The following CALB2 variants were observed in gnomAD, a reference collection of about 807,000 sequenced individuals.
CALB2 encodes the protein calretinin.
CALB2 carries 34 observed loss-of-function variants against 45.9 expected under a neutral mutation model. The ratio of observed to expected loss-of-function variants is 0.74; its 90% CI spans 0.56 to 0.99. The LOEUF (loss-of-function observed/expected upper bound fraction) is 0.99, where lower values mean the gene tolerates loss of function less well. Ranked by LOEUF, CALB2 falls within the 50% of genes least tolerant of loss-of-function variation. The pLI is 0.00. For missense variants in CALB2, 344 were observed against 339.3 expected (o/e 1.01, Z -0.11); for synonymous variants, 142 against 129.6 (o/e 1.10, Z -0.65).
At chr16:71,366,319 C>A (rs1235408690) in intron 1 of CALB2, among the ~76,000 whole-genome samples, 24 of 121,950 alleles carry the variant, frequency 2.0e-4, no homozygotes, top group Admixed American at 2.0e-4. Flanking sequence ...GCCACAGTGC[C>A]TGGCCTTTTT....
At chr16:71,366,020 C>CTTTTTTTTTTTTTTTTTTTTTTTTT (rs2042281945) in intron 1 of CALB2, among the ~76,000 whole-genome samples, 2 of 28,866 alleles carry the variant, frequency 6.9e-5, no homozygotes, top group African/African-American at 2.7e-4. Flanking sequence ...TTCCCTCTCT[C>CTTTTTTTTTTTTTTTTTTTTTTTTT]TCTCTTTTTT....
Position 71,390,031 on chromosome 16 carries a change from G to A in CALB2, c.*166G>A. The stretch of plus-strand genomic sequence containing the variant: ...GAGATAGAGGATGGGCAGCTGGGGG[G>A]CTGTCCTGAGCCCCCTGCACCCACC... On this transcript the variant is annotated 3_prime_UTR_variant, in exon 11 of 11. Transcript: ENST00000302628. 1.7e-6 allele frequency: 1 copy of A among 598,752 alleles called. No homozygotes were observed. The highest frequency in any genetic ancestry group is 2.8e-5 in the East Asian group (1 of 36,038). 37.1% of individuals were successfully genotyped at this position (598,752 alleles called of 1,614,324 possible). A position where few individuals can be genotyped will look rare whatever the true frequency, so the allele number is the denominator to read the frequency against.
intron 3 of CALB2, among the ~76,000 whole-genome samples, chr16:71,377,375 A>G (rs1359454344): frequency 1.3e-5 from 2 of 152,180 alleles, no homozygotes; most frequent in Non-Finnish European, 2.9e-5. Context: ...ACATACATGG[A>G]ATCATCTGTT....
chr16:71,388,868 C>G (rs1234259744), intron 10 of CALB2, among the ~76,000 whole-genome samples: 1 of 151,884 alleles, frequency 6.6e-6, no homozygotes, highest in African/African-American at 2.4e-5. Context: ...TGACAGGTGC[C>G]TGTAATCCCA....
At chr16:71,384,168 C>A in intron 7 of CALB2, 143 bp downstream of exon 7, 1 of 1,040,538 alleles carries the variant, frequency 9.6e-7, no homozygotes, top group Non-Finnish European at 1.5e-6. Flanking sequence ...TTGTGACCGT[C>A]AACACCTCAC....
rs1055305386 is a variant in CALB2, at chr16:71,389,930, C to T, written c.*65C>T. 4.3e-6 allele frequency: 5 copies of T among 1,152,896 alleles called. No homozygotes were observed. The African/African-American group carries it at 6.1e-5, about 14-fold the overall frequency. The allele number at this position is 1,152,896 out of a possible 1,614,324, so 71.4% of individuals were successfully genotyped here. The stretch of plus-strand genomic sequence containing the variant: ...TGCTTCTGCTGCCCTGATGCGTCTA[C>T]CCAGACTCAGAGACCGTGAGCGCCC... On this transcript the variant is annotated 3_prime_UTR_variant, in exon 11 of 11. Transcript: ENST00000302628.
Position 71,382,581 on chromosome 16 carries a change from A to G in CALB2, c.343-138A>G, listed in dbSNP as rs188671930. ...TCTGTGACCTTGAAGGGTCTGGGCT[A>G]CATCATCTCCATGTCTCCATCCCAT... is the stretch of plus-strand genomic sequence containing the variant. On this transcript the variant is annotated intron_variant, in intron 4 of 10. Coordinates refer to ENST00000302628, the MANE Select transcript of CALB2 (RefSeq NM_001740.5). The G allele has an allele frequency of 5.7e-5, 45 of 784,918 alleles. No individual in the cohort carries two copies. In the African/African-American group the frequency reaches 7.2e-4, roughly 13 times the overall value. The allele number at this position is 784,918 out of a possible 1,614,324, so 48.6% of individuals were successfully genotyped here.
Position 71,365,357 on chromosome 16 carries a change from C to T in CALB2, c.94+6471C>T, listed in dbSNP as rs376270671. On this transcript the variant is annotated intron_variant, in intron 1 of 10. Transcript: ENST00000302628. The stretch of plus-strand genomic sequence containing the variant: ...GCTACACAGACTGGTGCACTAGAAG[C>T]GACTGGACGCAACATCTTGAGTGTG... Among the ~76,000 whole-genome samples, 14 of 152,258 alleles carry T rather than the reference C, an allele frequency of 9.2e-5. No individual in the cohort carries two copies. In the South Asian group the frequency reaches 2.1e-3, roughly 23 times the overall value.
intron 4 of CALB2, among the ~76,000 whole-genome samples, chr16:71,382,036 AGGAGG>A (rs2042499216): frequency 9.4e-6 from 1 of 106,300 alleles, no homozygotes; most frequent in African/African-American, 3.7e-5. Flanking sequence ...GAGGAGGAGG[AGGAGG>A]AGTAGGAGGA....
In CALB2 at chr16:71,374,846, C is replaced by G. The variant is rs1228673598; in HGVS notation, c.261+12C>G. On this transcript the variant is annotated intron_variant, in intron 3 of 10. Coordinates refer to ENST00000302628, the MANE Select transcript of CALB2 (RefSeq NM_001740.5). Reference sequence around the variant, plus strand: ...TCGAGATGGCAGAGGTGAGCCCTGCCTCGCTGGTAAAGAGCTGTGTGGGAG... The same window carrying G: ...TCGAGATGGCAGAGGTGAGCCCTGCGTCGCTGGTAAAGAGCTGTGTGGGAG... The G allele has an allele frequency of 1.3e-6, 2 of 1,589,500 alleles. No homozygotes were observed. Among genetic ancestry groups the G allele is most frequent in the African/African-American group, 2.7e-5 (2 of 74,434 alleles).
intron 3 of CALB2, among the ~76,000 whole-genome samples, chr16:71,376,566 C>T (rs1385303989): frequency 1.3e-5 from 2 of 152,170 alleles, no homozygotes; most frequent in Non-Finnish European, 2.9e-5. Context: ...CACCCACATA[C>T]ATCTACATGC....
At position 71,377,687 on chromosome 16, in the gene CALB2, C is replaced by G. The variant is rs745602535; in HGVS notation, c.282C>G (p.Thr94=). Reference sequence around the variant, plus strand: ...CACAGCTGGCGCAGATCCTGCCAACCGAAGAGAACTTCCTTCTGTGCTTCA... The same window carrying G: ...CACAGCTGGCGCAGATCCTGCCAACGGAAGAGAACTTCCTTCTGTGCTTCA... The part of the protein sequence containing the change: ...EMAELAQILP[T]EENFLLCFRQ... The change falls in exon 4 of 11, where the codon ACC becomes ACG. Residue 94 remains threonine, a synonymous_variant. Transcript: ENST00000302628. 1 of 1,613,924 alleles carries G rather than the reference C, an allele frequency of 6.2e-7. No homozygotes were observed.
intron 4 of CALB2, 131 bp from the exon 5 acceptor site, chr16:71,382,588 C>T: frequency 1.2e-6 from 1 of 823,322 alleles, no homozygotes; most frequent in Non-Finnish European, 2.0e-6. Context: ...GCTACATCAT[C>T]TCCATGTCTC....
intron 2 of CALB2, 64 bp downstream of exon 2, chr16:71,372,293 G>A (rs1463424824): frequency 8.4e-7 from 1 of 1,190,782 alleles, no homozygotes; most frequent in East Asian, 2.4e-5. Context: ...AGCATGCTGT[G>A]TCCCAGTTAT....
chr16:71,382,596 CTCCA>C, intron 4 of CALB2, 119 bp from the exon 5 acceptor site: 1 of 885,006 alleles, frequency 1.1e-6, no homozygotes, highest in South Asian at 1.6e-5. Context: ...ATCTCCATGT[CTCCA>C]TCCCATTCCG....
intron 1 of CALB2, among the ~76,000 whole-genome samples, chr16:71,366,013 C>CCT (rs200567880): frequency 0.026 from 1,550 of 59,274 alleles, 91 homozygotes; most frequent in African/African-American, 0.037. Flanking sequence ...TGTTTTCTTC[C>CCT]CTCTCTCTCT....
chr16:71,380,283 CTTCCT>C (rs1567541471), intron 4 of CALB2, among the ~76,000 whole-genome samples: 2 of 110,082 alleles, frequency 1.8e-5, no homozygotes, highest in Non-Finnish European at 3.7e-5. Flanking sequence ...TTCTTCTTTC[CTTCCT>C]TTTCTTTTTT....
chr16:71,377,578 G>C, intron 3 of CALB2, 89 bp from the exon 4 acceptor site: 1 of 844,052 alleles, frequency 1.2e-6, no homozygotes, highest in South Asian at 1.5e-5. Context: ...CCTCGCCACT[G>C]GCCCTTTCCA....
intron 1 of CALB2, among the ~76,000 whole-genome samples, chr16:71,365,398 G>C (rs1454083517): frequency 6.6e-5 from 10 of 152,224 alleles, no homozygotes; most frequent in African/African-American, 2.4e-4. Context: ...GGGCTGCTTA[G>C]AACACAGGCT....
Sources: allele counts gnomAD v4.1 joint callset (sites outside exome capture counted in the v4.1 genomes callset), GRCh38; gene constraint gnomAD v4.1.1; transcripts MANE v1.5; gene names NCBI Gene and HGNC (gene_info 2026-07-23, HGNC 2026-07-21).